STK39: variants seen among roughly 807,000 people sequenced by gnomAD.
STK39 encodes the protein STE20/SPS1-related proline-alanine-rich protein kinase.
Under a neutral mutation model 77.8 loss-of-function variants are expected in STK39, and 20 were observed. That is an observed-to-expected ratio of 0.26 (90% CI 0.18 to 0.37). STK39 has a LOEUF of 0.37. STK39 is among the 10% of genes least tolerant of loss of function. The pLI, the probability that STK39 is intolerant of heterozygous loss-of-function variation, is 1.00. For missense variants in STK39, 479 were observed against 656.5 expected, an observed-to-expected ratio of 0.73 and a Z score of 2.95; for synonymous variants, 246 against 234.1, an observed-to-expected ratio of 1.05 and a Z score of -0.47.
chr2:168,240,153 T>C (rs572922672), intron 1 of STK39, among the ~76,000 whole-genome samples: 13 of 152,324 alleles, frequency 8.5e-5, no homozygotes, highest in Admixed American at 4.6e-4. Flanking sequence ...AAGAGGCATT[T>C]CAGCAACTGC....
At chr2:168,155,286 A>C (rs958836653) in intron 5 of STK39, among the ~76,000 whole-genome samples, 1 of 152,126 alleles carries the variant, frequency 6.6e-6, no homozygotes, top group African/African-American at 2.4e-5. Flanking sequence ...AATCTCCCCA[A>C]GTATTTCTCA....
rs1201584649 is a variant in STK39, at chr2:167,954,554, T to A, written c.*942A>T. On this transcript the variant is annotated 3_prime_UTR_variant, in exon 18 of 18. Transcript: ENST00000355999. ...GAGAGCCAAATCAGAGATGGGTATATAGTTAGCAATCTAACAGAATGGCAA... is the reference window on the plus strand; with the variant it reads ...GAGAGCCAAATCAGAGATGGGTATAAAGTTAGCAATCTAACAGAATGGCAA... 2.6e-5 allele frequency: 4 copies of A among 152,650 alleles called. No homozygotes were observed. Among genetic ancestry groups the A allele is most frequent in the African/African-American group, 9.6e-5 (4 of 41,470 alleles). The allele number at this position is 152,650 out of a possible 1,614,324, so 9.5% of individuals were successfully genotyped here.
At position 168,247,447 on chromosome 2, in the gene STK39, G is replaced by C; in HGVS notation, c.-12C>G. On this transcript the variant is annotated 5_prime_UTR_variant, in exon 1 of 18. Transcript: ENST00000355999. ...CTCGGCTCCGCCATGATGCTGCGGAGGAGAGCAGGAGGACGCGCCGGCCGA... is the reference window on the plus strand; with the variant it reads ...CTCGGCTCCGCCATGATGCTGCGGACGAGAGCAGGAGGACGCGCCGGCCGA... 7.7e-7 allele frequency: 1 copy of C among 1,303,742 alleles called. No homozygotes were observed. Among genetic ancestry groups the C allele is most frequent in the Non-Finnish European group, 9.9e-7 (1 of 1,013,730 alleles). 80.8% of individuals were successfully genotyped at this position (1,303,742 alleles called of 1,614,324 possible). A position where few individuals can be genotyped will look rare whatever the true frequency, so the allele number is the denominator to read the frequency against.
At chr2:168,051,368 A>AG (rs2105367083) in intron 14 of STK39, among the ~76,000 whole-genome samples, 1 of 152,358 alleles carries the variant, frequency 6.6e-6, no homozygotes, top group South Asian at 2.1e-4. Context: ...GTAAGGTATC[A>AG]GGTAATTAAC....
At chr2:168,165,320 T>C (rs1481179396) in intron 3 of STK39, among the ~76,000 whole-genome samples, 2 of 152,076 alleles carry the variant, frequency 1.3e-5, no homozygotes, top group Non-Finnish European at 2.9e-5. Context: ...AGAAATTTTC[T>C]GTCAGATCCT....
chr2:168,066,040 C>CA (rs3835855), intron 12 of STK39, among the ~76,000 whole-genome samples: 10 of 151,546 alleles, frequency 6.6e-5, no homozygotes, highest in Admixed American at 2.6e-4. Context: ...ACAACAACAA[C>CA]AAAAAAAACC....
intron 1 of STK39, among the ~76,000 whole-genome samples, chr2:168,236,576 T>C (rs1690616440): frequency 6.6e-6 from 1 of 152,268 alleles, no homozygotes; most frequent in African/African-American, 2.4e-5. Context: ...AGGGTTTTTA[T>C]GGTTTTAGGT....
intron 16 of STK39, among the ~76,000 whole-genome samples, chr2:167,989,367 T>C (rs913535104): frequency 6.6e-6 from 1 of 152,214 alleles, no homozygotes; most frequent in Admixed American, 6.5e-5. Context: ...TGAACTATCA[T>C]GAAAATTGTC....
At chr2:168,076,818 T>G (rs1686091465) in intron 10 of STK39, among the ~76,000 whole-genome samples, 2 of 152,196 alleles carry the variant, frequency 1.3e-5, no homozygotes, top group South Asian at 4.1e-4. Flanking sequence ...CATTTTGAGT[T>G]GCTCTAAAAG....
intron 2 of STK39, among the ~76,000 whole-genome samples, chr2:168,173,275 T>C (rs1688873657): frequency 6.6e-6 from 1 of 152,184 alleles, no homozygotes; most frequent in Admixed American, 6.5e-5. Flanking sequence ...ATTCTTTAAA[T>C]GGTATAGGAG....
intron 1 of STK39, among the ~76,000 whole-genome samples, chr2:168,220,426 C>T (rs1363954770): frequency 6.6e-6 from 1 of 152,066 alleles, no homozygotes; most frequent in Non-Finnish European, 1.5e-5. Flanking sequence ...TCAATTTGAC[C>T]CTAGCAAATA....
Position 168,067,552 on chromosome 2 carries a change from CT to C in STK39, c.1243-2172del, listed in dbSNP as rs577245702. Among the ~76,000 whole-genome samples, 62 of 151,282 alleles carry C rather than the reference CT, an allele frequency of 4.1e-4. No homozygotes were observed. In the South Asian group the frequency reaches 0.01, roughly 26 times the overall value. On this transcript the variant is annotated intron_variant, in intron 12 of 17. Transcript: ENST00000355999. ...GCAGAACCGTGAGTCAATTATATCT[CT>C]TTTTTTTTTCCTAAATAACCCACTC...
chr2:168,198,295 G>A (rs527456818), intron 1 of STK39, among the ~76,000 whole-genome samples: 1 of 152,094 alleles, frequency 6.6e-6, no homozygotes, highest in South Asian at 2.1e-4. Context: ...CATTAATTGT[G>A]GTACAACATC....
At chr2:168,098,474 C>T (rs1168476312) in intron 10 of STK39, among the ~76,000 whole-genome samples, 1 of 152,164 alleles carries the variant, frequency 6.6e-6, no homozygotes, top group African/African-American at 2.4e-5. Context: ...AGTTATTGCA[C>T]CACGTATGCC....
intron 3 of STK39, among the ~76,000 whole-genome samples, 190 bp from the exon 4 acceptor site, chr2:168,164,070 C>T (rs991804208): frequency 3.9e-5 from 6 of 152,290 alleles, no homozygotes; most frequent in African/African-American, 1.4e-4. Context: ...TTTGCAAGAG[C>T]ACTTTCAGTG....
At chr2:167,964,511 G>A in intron 17 of STK39, 151 bp downstream of exon 17, 1 of 682,302 alleles carries the variant, frequency 1.5e-6, no homozygotes, top group Middle Eastern at 3.9e-4. Context: ...CCCTAACGCT[G>A]CAGAGTCAAA....
At chr2:168,087,493 T>A (rs1686399686) in intron 10 of STK39, among the ~76,000 whole-genome samples, 1 of 152,252 alleles carries the variant, frequency 6.6e-6, no homozygotes. Flanking sequence ...CCTGATTCAA[T>A]ACGTGGAAAA....
chr2:168,242,460 A>G (rs1245209964), intron 1 of STK39, among the ~76,000 whole-genome samples: 1 of 149,558 alleles, frequency 6.7e-6, no homozygotes, highest in Non-Finnish European at 1.5e-5. Context: ...GAGGCAGGAG[A>G]ACTGCTTGGA....
At chr2:168,093,233 A>C (rs1257870815) in intron 10 of STK39, among the ~76,000 whole-genome samples, 2 of 152,176 alleles carry the variant, frequency 1.3e-5, no homozygotes, top group Non-Finnish European at 2.9e-5. Flanking sequence ...ACCTTTCAAG[A>C]CCTAAGCTGT....
Sources: allele counts gnomAD v4.1 joint callset (sites outside exome capture counted in the v4.1 genomes callset), GRCh38; gene constraint gnomAD v4.1.1; transcripts MANE v1.5; gene names NCBI Gene and HGNC (gene_info 2026-07-23, HGNC 2026-07-21).